Variants in NRXN3 observed in about 807,000 individuals in gnomAD.
NRXN3 encodes neurexin 3.
In NRXN3, 32 loss-of-function variants were observed where a neutral mutation model predicts 137.6. The observed-to-expected ratio is 0.23, with a 90% CI of 0.18 to 0.31. The LOEUF (loss-of-function observed/expected upper bound fraction) is 0.31, where lower values mean the gene tolerates loss of function less well. Among genes scored for constraint, NRXN3 ranks in the 10% least tolerant of loss-of-function variants. The pLI, the probability that NRXN3 is intolerant of heterozygous loss-of-function variation, is 1.00. For missense variants in NRXN3, 1,574 were observed against 2,062.5 expected (o/e 0.76, Z 4.59); for synonymous variants, 798 against 784.5 (o/e 1.02, Z -0.29).
chr14:79,658,637 G>C (rs1205981702), intron 16 of NRXN3, among the ~76,000 whole-genome samples: 1 of 152,188 alleles, frequency 6.6e-6, no homozygotes, highest in Non-Finnish European at 1.5e-5. Context: ...AACTAGGAAA[G>C]TGTGGTAAAC....
rs2215834 is a variant in NRXN3, at chr14:78,349,099, A to G, written c.757+51239A>G. On this transcript the variant is annotated intron_variant, in intron 4 of 20. Transcript: ENST00000335750. ...TGAGCATTTACCATGTGGTGCCTTT[A>G]GAAGCTAATATTGATTCTCATTATT... 8.3e-3 allele frequency among the ~76,000 whole-genome samples: 1,261 copies of G among 152,346 alleles called. 42 individuals carry two copies. The East Asian group carries it at 0.085, about 10-fold the overall frequency.
At chr14:79,771,856 T>A (rs1242986608) in intron 19 of NRXN3, among the ~76,000 whole-genome samples, 3 of 117,112 alleles carry the variant, frequency 2.6e-5, no homozygotes, top group Non-Finnish European at 5.3e-5. Flanking sequence ...GCAGATGACA[T>A]GATTGTATAT....
chr14:78,262,014 A>G (rs1161673756), intron 2 of NRXN3, among the ~76,000 whole-genome samples: 1 of 152,238 alleles, frequency 6.6e-6, no homozygotes, highest in East Asian at 1.9e-4. Context: ...TGAGTGCTGT[A>G]GATGGAAAGA....
intron 4 of NRXN3, among the ~76,000 whole-genome samples, chr14:78,406,489 A>G (rs2092493312): frequency 6.6e-6 from 1 of 152,216 alleles, no homozygotes; most frequent in Admixed American, 6.5e-5. Context: ...CAGCATAGGT[A>G]AGACTAATAG....
intron 16 of NRXN3, among the ~76,000 whole-genome samples, chr14:79,569,106 C>T (rs907723668): frequency 1.1e-4 from 17 of 151,204 alleles, no homozygotes; most frequent in Non-Finnish European, 2.2e-4. Context: ...TAACAACACA[C>T]AAACACAGAT....
At chr14:78,978,449 A>T (rs2099477208) in intron 14 of NRXN3, among the ~76,000 whole-genome samples, 1 of 152,122 alleles carries the variant, frequency 6.6e-6, no homozygotes, top group African/African-American at 2.4e-5. Context: ...TTAAAGCTAA[A>T]TATAAGTGAA....
intron 15 of NRXN3, among the ~76,000 whole-genome samples, chr14:79,293,728 C>T (rs766253077): frequency 5.3e-5 from 8 of 152,238 alleles, no homozygotes; most frequent in Non-Finnish European, 1.0e-4. Flanking sequence ...TAATTACCAT[C>T]CAGAGAGCAG....
At chr14:78,997,164 A>T (rs1007419068) in intron 15 of NRXN3, among the ~76,000 whole-genome samples, 1 of 152,170 alleles carries the variant, frequency 6.6e-6, no homozygotes, top group Non-Finnish European at 1.5e-5. Flanking sequence ...CTCATAGGTG[A>T]CACATTGGTT....
At chr14:78,475,811 G>A (rs1288541424) in intron 4 of NRXN3, among the ~76,000 whole-genome samples, 1 of 152,156 alleles carries the variant, frequency 6.6e-6, no homozygotes, top group Non-Finnish European at 1.5e-5. Context: ...TAGAGAAGAA[G>A]AGGAAGAAGA....
chr14:79,147,492 C>T (rs2059405952), intron 15 of NRXN3, among the ~76,000 whole-genome samples: 1 of 152,044 alleles, frequency 6.6e-6, no homozygotes, highest in South Asian at 2.1e-4. Flanking sequence ...TTTAATTTCG[C>T]CCATTTAAGA....
At chr14:78,689,897 G>T (rs2098156256) in intron 6 of NRXN3, among the ~76,000 whole-genome samples, 2 of 147,656 alleles carry the variant, frequency 1.4e-5, no homozygotes, top group Non-Finnish European at 3.0e-5. Flanking sequence ...CTTCCTTCTG[G>T]CTGTCCATCC....
intron 8 of NRXN3, among the ~76,000 whole-genome samples, chr14:78,797,631 G>A (rs900119316): frequency 5.3e-5 from 8 of 152,016 alleles, no homozygotes; most frequent in African/African-American, 1.2e-4. Context: ...TTCACTAGAC[G>A]AGCTCAATGG....
chr14:78,704,640 C>T (rs189198723), intron 6 of NRXN3, among the ~76,000 whole-genome samples: 4 of 152,158 alleles, frequency 2.6e-5, no homozygotes, highest in Admixed American at 6.5e-5. Flanking sequence ...CTAGAAATTG[C>T]CCTCTCTGGA....
chr14:78,700,216 A>C (rs140883599), intron 6 of NRXN3, among the ~76,000 whole-genome samples: 229 of 152,232 alleles, frequency 1.5e-3, no homozygotes, highest in African/African-American at 5.4e-3. Flanking sequence ...TTTACATGGG[A>C]TTTTGTTTCT....
At chr14:78,385,169 A>C (rs905228955) in intron 4 of NRXN3, among the ~76,000 whole-genome samples, 2 of 152,120 alleles carry the variant, frequency 1.3e-5, no homozygotes, top group African/African-American at 4.8e-5. Context: ...TTTCACACAC[A>C]CAAATAAAAA....
chr14:79,707,659 T>C (rs1258752470), intron 19 of NRXN3, among the ~76,000 whole-genome samples: 2 of 152,204 alleles, frequency 1.3e-5, no homozygotes, highest in Non-Finnish European at 2.9e-5. Context: ...ATTGCAACTA[T>C]ATTTTCTTTT....
chr14:78,950,613 GGGAA>G (rs950932338), intron 10 of NRXN3, among the ~76,000 whole-genome samples: 23 of 151,070 alleles, frequency 1.5e-4, no homozygotes, highest in African/African-American at 3.9e-4. Flanking sequence ...AAGAGAGGGA[GGGAA>G]GGAAGGAAGG....
intron 20 of NRXN3, among the ~76,000 whole-genome samples, chr14:79,837,933 A>G (rs1040799068): frequency 2.6e-5 from 4 of 152,150 alleles, no homozygotes; most frequent in African/African-American, 9.7e-5. Flanking sequence ...TTCAATATTT[A>G]TATTTGTCTT....
chr14:78,514,209 C>T (rs552299565), intron 4 of NRXN3, among the ~76,000 whole-genome samples: 3 of 152,202 alleles, frequency 2.0e-5, no homozygotes, highest in African/African-American at 4.8e-5. Context: ...AAAGAGATGT[C>T]ACAGAGTTGT....
Sources: gnomAD v4.1 joint callset for allele counts (sites outside exome capture counted in the v4.1 genomes callset) on GRCh38, gnomAD v4.1.1 for gene constraint, MANE v1.5 for transcripts, NCBI Gene and HGNC (gene_info 2026-07-23, HGNC 2026-07-21) for gene names.